Variants in OTOG observed in about 807,000 individuals in gnomAD.
OTOG encodes the protein otogelin.
Under a neutral mutation model 313.8 loss-of-function variants are expected in OTOG, and 296 were observed. The observed-to-expected ratio is 0.94, with a 90% CI of 0.86 to 1.04. OTOG has a LOEUF of 1.04. OTOG is among the 50% of genes least tolerant of loss of function. The probability of loss-of-function intolerance (pLI) is 0.00; values close to 1 mark genes in which losing one functional copy is unlikely to be tolerated. For missense variants in OTOG, 3,948 were observed against 3,840.1 expected (o/e 1.03, Z -0.74); for synonymous variants, 1,533 against 1,554.9 (o/e 0.99, Z 0.33).
chr11:17,631,981 C>T, intron 41 of OTOG, 59 bp downstream of exon 41: 1 of 1,542,132 alleles, frequency 6.5e-7, no homozygotes, highest in Non-Finnish European at 8.8e-7. Context: ...GGGATGGCAG[C>T]ACCTACCTGC....
At chr11:17,557,652 G>A (rs1043666605) in intron 8 of OTOG, among the ~76,000 whole-genome samples, 3 of 152,126 alleles carry the variant, frequency 2.0e-5, no homozygotes, top group African/African-American at 7.2e-5. Context: ...GCTAGAGACA[G>A]CCAGGAAGAG....
intron 5 of OTOG, 76 bp from the exon 6 acceptor site, chr11:17,553,289 C>T: frequency 2.0e-6 from 3 of 1,520,822 alleles, no homozygotes; most frequent in Admixed American, 4.1e-5. Context: ...GCAGCACTTC[C>T]AGGGCTGGAA....
At chr11:17,593,860 C>G in intron 27 of OTOG, 104 bp downstream of exon 27, 1 of 1,442,186 alleles carries the variant, frequency 6.9e-7, no homozygotes, top group Non-Finnish European at 9.4e-7. Context: ...GAAGAGCATG[C>G]CTCTGTTCTC....
Position 17,642,160 on chromosome 11 carries a change from C to T in OTOG, c.8329C>T (p.His2777Tyr), listed in dbSNP as rs879379636. ...ATCCTGGATCGCAGACTGCGCCCGC[C>T]ACCACTGCAGCAGCACGCCCCTGGG... ...GASWIADCAR[H>Y]HCSSTPLGAV... Residue 2777 changes from histidine (H) to tyrosine (Y), a missense_variant, in exon 53 of 56, where the codon CAC (histidine) becomes TAC (tyrosine). Transcript: ENST00000399397. 7 of 1,549,784 alleles carry T rather than the reference C, an allele frequency of 4.5e-6. No homozygotes were observed. Among genetic ancestry groups the T allele is most frequent in the Non-Finnish European group, 5.2e-6 (6 of 1,146,526 alleles).
chr11:17,591,653 T>C (rs1302061446), intron 25 of OTOG, 65 bp downstream of exon 25: 5 of 1,529,376 alleles, frequency 3.3e-6, no homozygotes, highest in Non-Finnish European at 8.8e-7. Context: ...TCTGGTGCTC[T>C]GGACTCCAGT....
chr11:17,547,424 TG>T lies in OTOG; in HGVS notation c.56del (p.Gly19ValfsTer201). On this transcript the variant is annotated frameshift_variant, in exon 1 of 56. Coordinates refer to ENST00000399397, the MANE Select transcript of OTOG (RefSeq NM_001292063.2). LOFTEE classifies it high-confidence loss of function. The stretch of plus-strand genomic sequence containing the variant: ...CTGGCTGCTTTGTGTCTGGCTGCCC[TG>T]GGGTGAGCAGGCAGCCGAGTCCCTG... Reference protein sequence around the residue: ...LCWLLCVWLPWGEQAAESLRV... With the variant: ...LCWLLCVWLPXGEQAAESLRV... 1 of 1,410,518 alleles carries T rather than the reference TG, an allele frequency of 7.1e-7. No homozygotes were observed. Among genetic ancestry groups the T allele is most frequent in the Non-Finnish European group, 9.2e-7 (1 of 1,086,514 alleles). 87.4% of individuals were successfully genotyped at this position (1,410,518 alleles called of 1,614,324 possible). A position where few individuals can be genotyped will look rare whatever the true frequency, so the allele number is the denominator to read the frequency against.
rs925784151 is a variant in OTOG at position 17,553,635 on chromosome 11, C to T, written c.540+116C>T. The T allele has an allele frequency of 1.1e-5, 11 of 969,420 alleles. No individual in the cohort carries two copies. The African/African-American group carries it at 1.5e-4, about 13-fold the overall frequency. 60.1% of individuals were successfully genotyped at this position (969,420 alleles called of 1,614,324 possible). On this transcript the variant is annotated intron_variant, in intron 6 of 55. Coordinates refer to ENST00000399397, the MANE Select transcript of OTOG (RefSeq NM_001292063.2). Reference sequence around the variant, plus strand: ...GACTGGCACCTTCCTCCTTGCATCGCCCCCCAGCTCCCACCCAGGCAGTCT... The same window carrying T: ...GACTGGCACCTTCCTCCTTGCATCGTCCCCCAGCTCCCACCCAGGCAGTCT...
intron 3 of OTOG, among the ~76,000 whole-genome samples, chr11:17,550,423 G>A (rs1367768548): frequency 6.6e-6 from 1 of 152,172 alleles, no homozygotes; most frequent in African/African-American, 2.4e-5. Flanking sequence ...CTGAGAAGGT[G>A]TCCACATAGG....
rs1852378448 is a variant in OTOG at position 17,570,356 on chromosome 11, G to A, written c.1921G>A (p.Gly641Ser). The change falls in exon 17 of 56, where the codon GGC becomes AGC. Residue 641 changes from glycine to serine, a missense_variant. Gly to Ser is a moderately conservative substitution (Grantham distance 56). Coordinates refer to ENST00000399397, the MANE Select transcript of OTOG (RefSeq NM_001292063.2). ...GGTGGAGGATACCGTGGGCCTCTGC[G>A]GCACCTTCAATGGCAACACGCAGGA... is the stretch of plus-strand genomic sequence containing the variant. ...RWVEDTVGLC[G>S]TFNGNTQDDF... The A allele has an allele frequency of 1.9e-6, 3 of 1,550,530 alleles. No homozygotes were observed. The highest frequency in any genetic ancestry group is 2.4e-5 in the East Asian group (1 of 40,920).
rs1378989076 is a variant in OTOG, at chr11:17,558,209, A to T, written c.890A>T (p.Glu297Val). ...SSGKLTDDVV[E>V]FVHSWQEQAP... Reference sequence around the variant, plus strand: ...GGGAAGCTGACTGACGACGTGGTTGAGTTTGTGCACAGCTGGCAGGAGCAG... The same window carrying T: ...GGGAAGCTGACTGACGACGTGGTTGTGTTTGTGCACAGCTGGCAGGAGCAG... Residue 297 changes from glutamate (E) to valine (V), a missense_variant, in exon 9 of 56, where the codon GAG becomes GTG. Coordinates refer to ENST00000399397, the MANE Select transcript of OTOG (RefSeq NM_001292063.2). The T allele has an allele frequency of 2.6e-6, 4 of 1,550,412 alleles. No individual in the cohort carries two copies. Among genetic ancestry groups the T allele is most frequent in the Non-Finnish European group, 3.5e-6 (4 of 1,146,928 alleles).
rs570611759 is a variant in OTOG, at chr11:17,611,219, G to A, written c.5919G>A (p.Thr1973=). The change falls in exon 36 of 56, where the codon ACG becomes ACA. Residue 1973 remains threonine (T), a synonymous_variant. Transcript: ENST00000399397. ...CCCTGAGCCGTGTCTCAGCCAGGACGGCCCCCCAAGACAGCATGCTGGTTC... is the reference window on the plus strand; with the variant it reads ...CCCTGAGCCGTGTCTCAGCCAGGACAGCCCCCCAAGACAGCATGCTGGTTC... ...SYALSRVSAR[T]APQDSMLVLL... 6.3e-4 allele frequency: 972 copies of A among 1,550,496 alleles called. 11 individuals carry two copies. In the South Asian group the frequency reaches 7.5e-3, roughly 12 times the overall value.
chr11:17,558,567 G>A lies in OTOG; in HGVS notation c.1026G>A (p.Leu342=), dbSNP rs1852105771. The A allele has an allele frequency of 1.3e-6, 2 of 1,550,500 alleles. No individual in the cohort carries two copies. The highest frequency in any genetic ancestry group is 2.0e-5 in the Admixed American group (1 of 51,012). Residue 342 remains leucine, a synonymous_variant, in exon 10 of 56, where the codon CTG becomes CTA. Coordinates refer to ENST00000399397, the MANE Select transcript of OTOG (RefSeq NM_001292063.2). ...QGVYEQCEAL[L]RPPFDACHAY... is the part of the protein sequence containing the mutation. ...TGTACGAGCAGTGTGAGGCTCTACTGCGGCCCCCCTTTGACGCCTGCCACG... is the reference window on the plus strand; with the variant it reads ...TGTACGAGCAGTGTGAGGCTCTACTACGGCCCCCCTTTGACGCCTGCCACG...
At chr11:17,569,369 A>G (rs895059513) in intron 16 of OTOG, 81 bp downstream of exon 16, 18 of 1,521,102 alleles carry the variant, frequency 1.2e-5, no homozygotes, top group African/African-American at 2.8e-5. Flanking sequence ...GGCTAAAAGC[A>G]CTGCTACCCT....
At chr11:17,638,585 G>C in intron 48 of OTOG, 36 bp downstream of exon 48, 1 of 1,536,688 alleles carries the variant, frequency 6.5e-7, no homozygotes, top group East Asian at 2.4e-5. Context: ...CCCGCTGGGA[G>C]ATCCAGTGGC....
chr11:17,561,324 A>T lies in OTOG; in HGVS notation c.1498+187A>T, dbSNP rs1852177822. On this transcript the variant is annotated intron_variant, in intron 14 of 55. Coordinates refer to ENST00000399397, the MANE Select transcript of OTOG (RefSeq NM_001292063.2). ...AGGTCTGGCTCCAGCCCCTGCCAGGAAGGGTTTTCCATGAGGAGAAGGGGT... is the reference window on the plus strand; with the variant it reads ...AGGTCTGGCTCCAGCCCCTGCCAGGTAGGGTTTTCCATGAGGAGAAGGGGT... Among the ~76,000 whole-genome samples the T allele has an allele frequency of 2.6e-5, 4 of 152,148 alleles. No homozygotes were observed. The South Asian group carries it at 8.3e-4, about 32-fold the overall frequency.
chr11:17,573,058 T>C lies in OTOG; in HGVS notation c.2081-20T>C. The C allele has an allele frequency of 1.3e-6, 2 of 1,530,116 alleles. No homozygotes were observed. Among genetic ancestry groups the C allele is most frequent in the Non-Finnish European group, 8.8e-7 (1 of 1,133,192 alleles). The allele number at this position is 1,530,116 out of a possible 1,614,324, so 94.8% of individuals were successfully genotyped here. On this transcript the variant is annotated intron_variant, in intron 18 of 55. Transcript: ENST00000399397. ...AGACCGACTCCCCTGACTGCCTGGCTCCTGTTCTTCCTTCCCCAGCCTCCT... is the reference window on the plus strand; with the variant it reads ...AGACCGACTCCCCTGACTGCCTGGCCCCTGTTCTTCCTTCCCCAGCCTCCT...
chr11:17,547,266 C>A lies in OTOG; in HGVS notation c.-107C>A. On this transcript the variant is annotated 5_prime_UTR_variant, in exon 1 of 56. Coordinates refer to ENST00000399397, the MANE Select transcript of OTOG (RefSeq NM_001292063.2). ...CTGAGGGAGCCCTGGGGCATGAGAACAAGAGGGACCTCGGCTGCGGAGTGG... is the reference window on the plus strand; with the variant it reads ...CTGAGGGAGCCCTGGGGCATGAGAAAAAGAGGGACCTCGGCTGCGGAGTGG... 1 of 958,676 alleles carries A rather than the reference C, an allele frequency of 1.0e-6. No homozygotes were observed. The highest frequency in any genetic ancestry group is 1.4e-6 in the Non-Finnish European group (1 of 730,416). The allele number at this position is 958,676 out of a possible 1,614,324, so 59.4% of individuals were successfully genotyped here. A position where few individuals can be genotyped will look rare whatever the true frequency, so the allele number is the denominator to read the frequency against.
At chr11:17,587,638 G>A (rs890700205) in intron 24 of OTOG, among the ~76,000 whole-genome samples, 3 of 152,164 alleles carry the variant, frequency 2.0e-5, no homozygotes, top group Admixed American at 6.5e-5. Flanking sequence ...TTAGAAGCAG[G>A]GTCACGGTCA....
At chr11:17,619,958 T>C (rs1853823215) in intron 39 of OTOG, among the ~76,000 whole-genome samples, 1 of 152,208 alleles carries the variant, frequency 6.6e-6, no homozygotes, top group African/African-American at 2.4e-5. Flanking sequence ...TTTCAGCTTT[T>C]GTTTGTCAGA....
Sources: gnomAD v4.1 joint callset for allele counts (sites outside exome capture counted in the v4.1 genomes callset) on GRCh38, gnomAD v4.1.1 for gene constraint, MANE v1.5 for transcripts, NCBI Gene and HGNC (gene_info 2026-07-23, HGNC 2026-07-21) for gene names.